RFX7: variants seen among roughly 807,000 people sequenced by gnomAD.
RFX7 encodes DNA-binding protein RFX7.
In RFX7, 26 loss-of-function variants were observed where a neutral mutation model predicts 111.8. That is an observed-to-expected ratio of 0.23 (90% CI 0.17 to 0.32). RFX7 has a LOEUF of 0.32. Ranked by LOEUF, RFX7 falls within the 10% of genes least tolerant of loss-of-function variation. RFX7 has a pLI of 1.00. For missense variants in RFX7, 1,573 were observed against 1,772.9 expected (o/e 0.89, Z 2.02); for synonymous variants, 624 against 624.4 (o/e 1.00, Z 0.01).
At chr15:56,212,738 CG>C (rs2043325399) in intron 2 of RFX7, among the ~76,000 whole-genome samples, 1 of 151,910 alleles carries the variant, frequency 6.6e-6, no homozygotes, top group Non-Finnish European at 1.5e-5. Flanking sequence ...ACATTTCATA[CG>C]TATATCCAAC....
chr15:56,195,618 T>C (rs547233946), intron 2 of RFX7, among the ~76,000 whole-genome samples: 1 of 152,270 alleles, frequency 6.6e-6, no homozygotes, highest in Non-Finnish European at 1.5e-5. Context: ...AGACCCGTGT[T>C]TCTCAACCAG....
intron 3 of RFX7, among the ~76,000 whole-genome samples, chr15:56,166,092 G>C (rs1274063868): frequency 6.6e-6 from 1 of 152,060 alleles, no homozygotes; most frequent in African/African-American, 2.4e-5. Context: ...TGTAGAGATG[G>C]GATCTCCCTA....
At chr15:56,124,644 T>G (rs1159008068) in intron 5 of RFX7, among the ~76,000 whole-genome samples, 1 of 152,210 alleles carries the variant, frequency 6.6e-6, no homozygotes, top group Non-Finnish European at 1.5e-5. Context: ...CCTATGGCCA[T>G]TTGTACACCA....
chr15:56,156,135 T>A (rs1351856695), intron 3 of RFX7, among the ~76,000 whole-genome samples: 2 of 152,096 alleles, frequency 1.3e-5, no homozygotes, highest in East Asian at 3.8e-4. Flanking sequence ...CTGCATTTAC[T>A]GATTGTTTTA....
At chr15:56,233,070 C>G (rs763434139) in intron 2 of RFX7, among the ~76,000 whole-genome samples, 38 of 152,318 alleles carry the variant, frequency 2.5e-4, no homozygotes, top group Non-Finnish European at 3.8e-4. Context: ...AGCAGTGCCC[C>G]ACTCTACCAG....
Position 56,096,308 on chromosome 15 carries a change from TCAC to T in RFX7, c.1417_1419del (p.Val473del), listed in dbSNP as rs1316845747. The stretch of plus-strand genomic sequence containing the variant: ...GGTGTGAGGGATATTGTTGTCATTT[TCAC>T]CACATTTAGAGAACTCATGTGTGAA... On this transcript the variant is annotated inframe_deletion, in exon 10 of 10. Transcript: ENST00000559447. The T allele has an allele frequency of 1.2e-6, 2 of 1,614,040 alleles. No homozygotes were observed. The highest frequency in any genetic ancestry group is 2.2e-5 in the East Asian group (1 of 44,888).
At chr15:56,203,276 T>C (rs1363563936) in intron 2 of RFX7, among the ~76,000 whole-genome samples, 2 of 152,192 alleles carry the variant, frequency 1.3e-5, no homozygotes, top group African/African-American at 2.4e-5. Context: ...ATTCTAGAAG[T>C]ACACTTTGCG....
At chr15:56,122,986 A>G (rs1172760321) in intron 5 of RFX7, among the ~76,000 whole-genome samples, 1 of 151,984 alleles carries the variant, frequency 6.6e-6, no homozygotes, top group Non-Finnish European at 1.5e-5. Flanking sequence ...CCATAGGTCG[A>G]CAAAAACCAT....
At chr15:56,155,545 A>C (rs188891274) in intron 3 of RFX7, among the ~76,000 whole-genome samples, 49 of 152,320 alleles carry the variant, frequency 3.2e-4, no homozygotes, top group African/African-American at 1.1e-3. Context: ...GTTCTCGCTC[A>C]TAAGTGGGAG....
chr15:56,159,162 A>C (rs2042690956), intron 3 of RFX7, among the ~76,000 whole-genome samples: 1 of 152,232 alleles, frequency 6.6e-6, no homozygotes, highest in Non-Finnish European at 1.5e-5. Flanking sequence ...TGTTGTTGTA[A>C]ATAACAGAAG....
chr15:56,219,878 T>C (rs556145098), intron 2 of RFX7, among the ~76,000 whole-genome samples: 1 of 152,356 alleles, frequency 6.6e-6, no homozygotes, highest in South Asian at 2.1e-4. Flanking sequence ...TTTGGGTATA[T>C]ACCCAATAAT....
In RFX7 at chr15:56,116,917, T is replaced by C. The variant is rs78500385; in HGVS notation, c.402-13247A>G. ...GAGTAAAAAAGCCAGATAAAAAATATAGTATATTGTATAACATCATTCATG... is the reference window on the plus strand; with the variant it reads ...GAGTAAAAAAGCCAGATAAAAAATACAGTATATTGTATAACATCATTCATG... On this transcript the variant is annotated intron_variant, in intron 5 of 9. Coordinates refer to ENST00000559447, the MANE Select transcript of RFX7 (RefSeq NM_022841.7). Among the ~76,000 whole-genome samples the C allele has an allele frequency of 4.8e-3, 722 of 151,448 alleles. 5 individuals carry two copies. Among genetic ancestry groups the C allele is most frequent in the African/African-American group, 0.017 (689 of 41,138 alleles).
intron 5 of RFX7, among the ~76,000 whole-genome samples, chr15:56,114,645 A>G (rs1314856356): frequency 3.9e-5 from 6 of 152,040 alleles, no homozygotes; most frequent in Non-Finnish European, 7.4e-5. Flanking sequence ...CACAATGAAC[A>G]ATATATCTGA....
At chr15:56,175,434 A>G (rs2042893863) in intron 3 of RFX7, among the ~76,000 whole-genome samples, 1 of 152,186 alleles carries the variant, frequency 6.6e-6, no homozygotes, top group East Asian at 1.9e-4. Flanking sequence ...AGTAACTCTG[A>G]AATTTGTATG....
intron 2 of RFX7, among the ~76,000 whole-genome samples, chr15:56,216,402 A>C (rs2043363106): frequency 6.6e-6 from 1 of 152,192 alleles, no homozygotes; most frequent in Non-Finnish European, 1.5e-5. Context: ...TTCAAGTTTT[A>C]AAATTTATTG....
chr15:56,092,103 G>A lies in RFX7; in HGVS notation c.*1242C>T, dbSNP rs1361355592. On this transcript the variant is annotated 3_prime_UTR_variant, in exon 10 of 10. Coordinates refer to ENST00000559447, the MANE Select transcript of RFX7 (RefSeq NM_022841.7). ...TTCACAAAACAAAATGGGAGCCATA[G>A]AGAGAAACATTTTAAAACAAATCCT... The A allele has an allele frequency of 6.6e-6, 1 of 152,538 alleles. No individual in the cohort carries two copies. Among genetic ancestry groups the A allele is most frequent in the East Asian group, 1.9e-4 (1 of 5,194 alleles). 9.4% of individuals were successfully genotyped at this position (152,538 alleles called of 1,614,324 possible).
intron 9 of RFX7, 74 bp from the exon 10 acceptor site, chr15:56,096,694 T>C: frequency 7.2e-7 from 1 of 1,381,682 alleles, no homozygotes; most frequent in Non-Finnish European, 9.6e-7. Context: ...CTGTATATAC[T>C]TTTAAGTCAT....
chr15:56,146,092 T>A (rs1421891890), intron 3 of RFX7, among the ~76,000 whole-genome samples: 1 of 151,294 alleles, frequency 6.6e-6, no homozygotes, highest in Non-Finnish European at 1.5e-5. Flanking sequence ...GTTCCTGAAA[T>A]TTTTTTTTGT....
At chr15:56,153,129 G>T (rs1398331690) in intron 3 of RFX7, among the ~76,000 whole-genome samples, 1 of 152,124 alleles carries the variant, frequency 6.6e-6, no homozygotes, top group Non-Finnish European at 1.5e-5. Context: ...TCTACCAGAG[G>T]TACAAAGAGG....
Sources: allele counts gnomAD v4.1 joint callset (sites outside exome capture counted in the v4.1 genomes callset), GRCh38; gene constraint gnomAD v4.1.1; transcripts MANE v1.5; gene names NCBI Gene and HGNC (gene_info 2026-07-23, HGNC 2026-07-21).